Variants in NBAS observed in about 807,000 individuals in gnomAD.
NBAS encodes NBAS subunit of NRZ tethering complex, also known as NAG/BC035112 fusion.
In NBAS, 219 loss-of-function variants were observed where a neutral mutation model predicts 302.5. The observed-to-expected ratio is 0.72, with a 90% CI of 0.65 to 0.81. NBAS has a LOEUF of 0.81. Among genes scored for constraint, NBAS ranks in the 30% least tolerant of loss-of-function variants. The pLI is 0.00. For synonymous variants in NBAS, 1,118 were observed against 1,021.6 expected, an observed-to-expected ratio of 1.09 and a Z score of -1.80; for missense variants, 2,932 against 2,841.6, an observed-to-expected ratio of 1.03 and a Z score of -0.72.
intron 28 of NBAS, among the ~76,000 whole-genome samples, chr2:15,388,980 C>T (rs1234067339): frequency 6.6e-6 from 1 of 152,016 alleles, no homozygotes; most frequent in African/African-American, 2.4e-5. Context: ...TAACTTATAG[C>T]ACAAACAATC....
the NBAS span, among the ~76,000 whole-genome samples, chr2:15,099,918 C>T: frequency 6.6e-6 from 1 of 152,148 alleles, no homozygotes; most frequent in African/African-American, 2.4e-5. Flanking sequence ...AAGACACACA[C>T]AAAAATTTCA....
intron 44 of NBAS, among the ~76,000 whole-genome samples, chr2:15,254,637 C>G (rs572209164): frequency 6.6e-6 from 1 of 152,114 alleles, no homozygotes; most frequent in Admixed American, 6.5e-5. Flanking sequence ...TTTTGGTGTA[C>G]CCATCACTGG....
At chr2:14,899,266 G>A in the NBAS span, among the ~76,000 whole-genome samples, 2 of 152,238 alleles carry the variant, frequency 1.3e-5, no homozygotes, top group South Asian at 2.1e-4. Context: ...AAGCTGCCCA[G>A]AGAGGCCTCA....
the NBAS span, among the ~76,000 whole-genome samples, chr2:14,783,471 T>TC: frequency 1.8e-3 from 119 of 67,038 alleles, 1 homozygote; most frequent in African/African-American, 4.4e-3. Context: ...CCCTCCCCCC[T>TC]CCCCCCACCC....
the NBAS span, among the ~76,000 whole-genome samples, chr2:14,838,123 G>C: frequency 6.6e-6 from 1 of 151,728 alleles, no homozygotes; most frequent in East Asian, 1.9e-4. Context: ...ACCTGATAAC[G>C]CTCATTTATT....
chr2:15,169,920 C>T (rs1188840068), intron 51 of NBAS, among the ~76,000 whole-genome samples: 1 of 152,196 alleles, frequency 6.6e-6, no homozygotes, highest in Non-Finnish European at 1.5e-5. Flanking sequence ...TTGGTTCATC[C>T]TTCAAAACAA....
intron 48 of NBAS, among the ~76,000 whole-genome samples, chr2:15,206,378 GAAACAGAGCACAAAAGTTTGGA>G (rs1035140838): frequency 2.6e-5 from 4 of 151,872 alleles, no homozygotes; most frequent in Non-Finnish European, 5.9e-5. Flanking sequence ...GTTTAAAAGG[GAAACAGAGCACAAAAGTTTGGA>G]AAATTTGCAG....
At chr2:15,344,372 A>G (rs1047761902) in intron 35 of NBAS, among the ~76,000 whole-genome samples, 2 of 152,202 alleles carry the variant, frequency 1.3e-5, no homozygotes, top group African/African-American at 4.8e-5. Context: ...AGAGAATACT[A>G]TAAACACCTC....
intron 42 of NBAS, among the ~76,000 whole-genome samples, chr2:15,286,043 G>A (rs1670027895): frequency 6.6e-6 from 1 of 152,156 alleles, no homozygotes; most frequent in Admixed American, 6.5e-5. Flanking sequence ...CCACCATCTG[G>A]CAAGTGAACA....
chr2:15,106,451 G>GTCTCTCTCTCTCTCTCTCTCTCTC, the NBAS span, among the ~76,000 whole-genome samples: 204 of 147,930 alleles, frequency 1.4e-3, 3 homozygotes, highest in African/African-American at 4.8e-3. Flanking sequence ...CTCTGTCTCT[G>GTCTCTCTCTCTCTCTCTCTCTCTC]TCTCTCTCTC....
intron 40 of NBAS, among the ~76,000 whole-genome samples, chr2:15,302,996 C>T (rs556990718): frequency 2.1e-3 from 319 of 152,278 alleles, no homozygotes; most frequent in African/African-American, 6.9e-3. Context: ...GGCTCTTGGG[C>T]TTTCAGCTGC....
the NBAS span, among the ~76,000 whole-genome samples, chr2:14,805,745 G>A: frequency 6.6e-6 from 1 of 152,056 alleles, no homozygotes; most frequent in Non-Finnish European, 1.5e-5. Context: ...TTTCTTTCTT[G>A]CCTTTGTGTC....
At chr2:15,435,485 C>T (rs1380756648) in intron 21 of NBAS, among the ~76,000 whole-genome samples, 1 of 152,114 alleles carries the variant, frequency 6.6e-6, no homozygotes, top group Non-Finnish European at 1.5e-5. Context: ...AATTCGGCAG[C>T]CCTGAGAGAT....
At chr2:15,099,542 G>C in the NBAS span, among the ~76,000 whole-genome samples, 1 of 151,728 alleles carries the variant, frequency 6.6e-6, no homozygotes. Flanking sequence ...TGCCAAGAGA[G>C]GAAAATACAA....
At chr2:15,049,408 C>A in the NBAS span, among the ~76,000 whole-genome samples, 1 of 152,202 alleles carries the variant, frequency 6.6e-6, no homozygotes, top group Non-Finnish European at 1.5e-5. Context: ...CCACCTCCTG[C>A]AGCCTGGAGG....
the NBAS span, among the ~76,000 whole-genome samples, chr2:14,973,841 G>C: frequency 6.6e-6 from 1 of 152,152 alleles, no homozygotes; most frequent in Non-Finnish European, 1.5e-5. Context: ...GCTTTCTGTT[G>C]CCTACTGAAT....
Position 15,474,262 on chromosome 2 carries a change from T to C in NBAS, c.1404A>G (p.Glu468=), listed in dbSNP as rs771255778. ...AATCAGAATCAGAATCCTCTTCTCC[T>C]TCATCTTCTTCTCCAGCTCTAGTCT... is the stretch of plus-strand genomic sequence containing the variant. ...RLETRAGEED[E]GEEDSDSDYE... The change falls in exon 15 of 52, where the codon GAA becomes GAG. Residue 468 remains glutamate, a synonymous_variant. Coordinates refer to ENST00000281513, the MANE Select transcript of NBAS (RefSeq NM_015909.4). The C allele has an allele frequency of 2.5e-6, 4 of 1,613,920 alleles. No homozygotes were observed. Among genetic ancestry groups the C allele is most frequent in the African/African-American group, 2.7e-5 (2 of 75,038 alleles).
the NBAS span, among the ~76,000 whole-genome samples, chr2:14,914,458 G>C: frequency 6.6e-6 from 1 of 152,190 alleles, no homozygotes; most frequent in Non-Finnish European, 1.5e-5. Context: ...GATGTGATTG[G>C]CTTGTTTAAT....
At chr2:15,352,985 G>C (rs1241542677) in intron 34 of NBAS, among the ~76,000 whole-genome samples, 1 of 152,118 alleles carries the variant, frequency 6.6e-6, no homozygotes, top group Admixed American at 6.5e-5. Context: ...CTCCCGTCTT[G>C]CTCATGTCTG....
Sources: gnomAD v4.1 joint callset for allele counts (sites outside exome capture counted in the v4.1 genomes callset) on GRCh38, gnomAD v4.1.1 for gene constraint, MANE v1.5 for transcripts, NCBI Gene and HGNC (gene_info 2026-07-23, HGNC 2026-07-21) for gene names.